CALN1: variants seen among roughly 807,000 people sequenced by gnomAD.
The protein encoded by CALN1 is calcium-binding protein 8.
Under a neutral mutation model 30.6 loss-of-function variants are expected in CALN1, and 17 were observed. The ratio of observed to expected loss-of-function variants is 0.56; its 90% CI spans 0.38 to 0.83. The LOEUF (loss-of-function observed/expected upper bound fraction) is 0.83, where lower values mean the gene tolerates loss of function less well. CALN1 is among the 40% of genes least tolerant of loss of function. CALN1 has a pLI of 0.00. For missense variants in CALN1, 291 were observed against 354.9 expected, an observed-to-expected ratio of 0.82 and a Z score of 1.45; for synonymous variants, 156 against 131.4, an observed-to-expected ratio of 1.19 and a Z score of -1.28.
intron 2 of CALN1, among the ~76,000 whole-genome samples, chr7:72,302,846 C>G (rs192179121): frequency 7.7e-6 from 1 of 129,150 alleles, no homozygotes; most frequent in East Asian, 2.5e-4. Flanking sequence ...TGCAGTGAGC[C>G]GAGATCGCGC....
At chr7:71,901,426 C>CAAA (rs35289312) in intron 5 of CALN1, among the ~76,000 whole-genome samples, 105 of 132,676 alleles carry the variant, frequency 7.9e-4, no homozygotes, top group African/African-American at 2.6e-3. Flanking sequence ...CATATGGAAC[C>CAAA]AAAAAAAAAA....
chr7:72,071,913 T>C (rs1804421015), intron 4 of CALN1, among the ~76,000 whole-genome samples: 1 of 152,192 alleles, frequency 6.6e-6, no homozygotes, highest in African/African-American at 2.4e-5. Context: ...ATGGGTGATT[T>C]GAGCAGGCAG....
At chr7:71,980,083 G>A (rs1297894382) in intron 5 of CALN1, among the ~76,000 whole-genome samples, 1 of 150,894 alleles carries the variant, frequency 6.6e-6, no homozygotes, top group Non-Finnish European at 1.5e-5. Flanking sequence ...TTACCATGTT[G>A]GCCAGGCTGG....
At chr7:72,387,298 G>A (rs57053847) in intron 2 of CALN1, among the ~76,000 whole-genome samples, 2,036 of 6,706 alleles carry the variant, frequency 0.3, 430 homozygotes, top group East Asian at 0.52. Context: ...GGGAGGGAGG[G>A]AGGGAGGGAG....
intron 3 of CALN1, among the ~76,000 whole-genome samples, chr7:72,141,664 G>A (rs1809950323): frequency 6.6e-6 from 1 of 152,018 alleles, no homozygotes; most frequent in Non-Finnish European, 1.5e-5. Context: ...CGTCTCCTGG[G>A]TTCAAGCGAT....
chr7:72,372,629 A>C (rs1486970154), intron 2 of CALN1, among the ~76,000 whole-genome samples: 1 of 152,188 alleles, frequency 6.6e-6, no homozygotes, highest in East Asian at 1.9e-4. Flanking sequence ...TTGGTGCCAA[A>C]CTAGTCACTG....
At chr7:71,923,980 G>A (rs1795120006) in intron 5 of CALN1, among the ~76,000 whole-genome samples, 1 of 151,994 alleles carries the variant, frequency 6.6e-6, no homozygotes, top group African/African-American at 2.4e-5. Context: ...ATCACTTGAG[G>A]TCAGGAGTTC....
At chr7:72,254,625 C>T (rs75325386) in intron 3 of CALN1, among the ~76,000 whole-genome samples, 121 of 152,178 alleles carry the variant, frequency 8.0e-4, no homozygotes, top group African/African-American at 2.9e-3. Context: ...TTCCTCACTC[C>T]GTTGTTTTTT....
chr7:71,831,046 T>C (rs1789244649), intron 5 of CALN1, among the ~76,000 whole-genome samples: 1 of 152,098 alleles, frequency 6.6e-6, no homozygotes, highest in African/African-American at 2.4e-5. Context: ...CTCATGCACA[T>C]AAATGCAGAC....
intron 4 of CALN1, among the ~76,000 whole-genome samples, chr7:72,042,773 G>A (rs377458358): frequency 6.6e-6 from 1 of 152,032 alleles, no homozygotes; most frequent in Middle Eastern, 3.2e-3. Flanking sequence ...AAGGAAAAAG[G>A]GTGCTTAGCA....
chr7:72,305,310 G>A (rs4442008), intron 2 of CALN1, among the ~76,000 whole-genome samples: 150,765 of 152,326 alleles, frequency 0.99, 74,626 homozygotes, highest in Middle Eastern at 1. Context: ...CTTTTGGCAG[G>A]TGATTTTGAG....
At chr7:72,050,903 A>C (rs1342791632) in intron 4 of CALN1, among the ~76,000 whole-genome samples, 1 of 151,870 alleles carries the variant, frequency 6.6e-6, no homozygotes, top group Admixed American at 6.6e-5. Context: ...GAGACAGGAG[A>C]ATCGCATGAA....
chr7:72,360,462 A>T (rs1803505392), intron 2 of CALN1, among the ~76,000 whole-genome samples: 1 of 151,912 alleles, frequency 6.6e-6, no homozygotes, highest in Non-Finnish European at 1.5e-5. Flanking sequence ...GATTGAAGAC[A>T]TCACACATGT....
At chr7:72,123,036 A>G (rs1808499164) in intron 3 of CALN1, among the ~76,000 whole-genome samples, 1 of 152,214 alleles carries the variant, frequency 6.6e-6, no homozygotes, top group African/African-American at 2.4e-5. Flanking sequence ...TGAATACTGC[A>G]TAGCCAAGAG....
chr7:71,886,377 T>C (rs1792909370), intron 5 of CALN1, among the ~76,000 whole-genome samples: 1 of 152,380 alleles, frequency 6.6e-6, no homozygotes, highest in East Asian at 1.9e-4. Flanking sequence ...CTTCAGCCAC[T>C]GCCACGCCCC....
chr7:71,813,253 C>T (rs1271803424), intron 5 of CALN1, among the ~76,000 whole-genome samples: 1 of 152,092 alleles, frequency 6.6e-6, no homozygotes, highest in Non-Finnish European at 1.5e-5. Flanking sequence ...CCATGTTGGC[C>T]AGGCTGGTTT....
chr7:72,032,192 G>A (rs1182454273), intron 4 of CALN1, among the ~76,000 whole-genome samples: 2 of 151,460 alleles, frequency 1.3e-5, no homozygotes, highest in African/African-American at 4.9e-5. Context: ...CTGAGTAGCT[G>A]GGACTACAGG....
intron 4 of CALN1, chr7:72,104,226 C>A: frequency 6.5e-6 from 1 of 152,690 alleles, no homozygotes; most frequent in South Asian, 2.0e-4. Flanking sequence ...GCCCTCTGGT[C>A]TTGGGTTAGG....
chr7:71,952,291 C>A (rs948667473), intron 5 of CALN1, among the ~76,000 whole-genome samples: 2 of 152,150 alleles, frequency 1.3e-5, no homozygotes, highest in Admixed American at 1.3e-4. Context: ...ACCCTGACGC[C>A]TCAACAGCGG....
Sources: gnomAD v4.1 joint callset for allele counts (sites outside exome capture counted in the v4.1 genomes callset) on GRCh38, gnomAD v4.1.1 for gene constraint, MANE v1.5 for transcripts, NCBI Gene and HGNC (gene_info 2026-07-23, HGNC 2026-07-21) for gene names.